The following WRNIP1 variants were observed in gnomAD, a reference collection of about 807,000 sequenced individuals.
WRNIP1 encodes ATPase WRNIP1.
In WRNIP1, 41 loss-of-function variants were observed where a neutral mutation model predicts 56.1. The observed-to-expected ratio is 0.73, with a 90% CI of 0.57 to 0.95. The LOEUF (loss-of-function observed/expected upper bound fraction) is 0.95. Among genes scored for constraint, WRNIP1 ranks in the 40% least tolerant of loss-of-function variants. The probability of loss-of-function intolerance (pLI) is 0.00; values close to 1 mark genes in which losing one functional copy is unlikely to be tolerated. For missense variants in WRNIP1, 1,170 were observed against 939.4 expected (o/e 1.25, Z -3.21); for synonymous variants, 547 against 398.1 (o/e 1.37, Z -4.45).
intron 1 of WRNIP1, among the ~76,000 whole-genome samples, chr6:2,766,816 T>C (rs1765026498): frequency 6.7e-6 from 1 of 150,110 alleles, no homozygotes; most frequent in Non-Finnish European, 1.5e-5. Context: ...CATGTTTAAA[T>C]TGTAAAGAAA....
Position 2,765,723 on chromosome 6 carries a change from C to T in WRNIP1, c.101C>T (p.Ser34Leu). Residue 34 changes from serine (S) to leucine (L), a missense_variant, in exon 1 of 7, where the codon TCG (serine) becomes TTG (leucine). By Grantham distance (145) the Ser-to-Leu change is moderately radical. Coordinates refer to ENST00000380773, the MANE Select transcript of WRNIP1 (RefSeq NM_020135.3). Reference protein sequence around the residue: ...QQMMPAAHINSHLDRCLLLHP... With the variant: ...QQMMPAAHINLHLDRCLLLHP... ...ATGATGCCCGCCGCGCACATCAACTCGCACCTGGACCGCTGTCTGCTGCTC... is the reference window on the plus strand; with the variant it reads ...ATGATGCCCGCCGCGCACATCAACTTGCACCTGGACCGCTGTCTGCTGCTC... The T allele has an allele frequency of 3.3e-6, 5 of 1,534,984 alleles. No homozygotes were observed. Among genetic ancestry groups the T allele is most frequent in the Non-Finnish European group, 4.4e-6 (5 of 1,149,174 alleles).
At position 2,770,132 on chromosome 6, in the gene WRNIP1, C is replaced by T. The variant is rs773305070; in HGVS notation, c.1027C>T (p.Pro343Ser). The change falls in exon 3 of 7, where the codon CCT (proline) becomes TCT (serine). Residue 343 changes from proline to serine, a missense_variant. Physicochemically the swap from Pro to Ser is moderately conservative, Grantham distance 74. Coordinates refer to ENST00000380773, the MANE Select transcript of WRNIP1 (RefSeq NM_020135.3). ...CTCCCATGATTAGGACACTTTCCTTCCTCACGTGGAATGTGGGACGATCAC... is the reference window on the plus strand; with the variant it reads ...CTCCCATGATTAGGACACTTTCCTTTCTCACGTGGAATGTGGGACGATCAC... ...FNKSQQDTFL[P>S]HVECGTITLI... The T allele has an allele frequency of 1.2e-6, 2 of 1,614,118 alleles. No individual in the cohort carries two copies. Among genetic ancestry groups the T allele is most frequent in the Non-Finnish European group, 8.5e-7 (1 of 1,180,046 alleles).
intron 5 of WRNIP1, among the ~76,000 whole-genome samples, chr6:2,783,850 G>C (rs1384101253): frequency 1.3e-5 from 2 of 152,060 alleles, no homozygotes; most frequent in Non-Finnish European, 2.9e-5. Context: ...GCTATTCAGA[G>C]TATTGCAATA....
chr6:2,771,935 C>T (rs558820141), intron 3 of WRNIP1, among the ~76,000 whole-genome samples: 7 of 152,296 alleles, frequency 4.6e-5, no homozygotes, highest in African/African-American at 1.2e-4. Flanking sequence ...TGCATGTGTA[C>T]TTGTCTGGGG....
chr6:2,781,568 A>G (rs1428827886), intron 4 of WRNIP1, among the ~76,000 whole-genome samples: 2 of 152,186 alleles, frequency 1.3e-5, no homozygotes, highest in Admixed American at 6.5e-5. Flanking sequence ...TTATTTTTGT[A>G]TATGCCACCT....
At chr6:2,766,513 G>C in intron 1 of WRNIP1, 69 bp downstream of exon 1, 1 of 1,435,534 alleles carries the variant, frequency 7.0e-7, no homozygotes, top group Non-Finnish European at 9.2e-7. Context: ...TGGTCGGAGA[G>C]CCGGGTGTGC....
In WRNIP1 at chr6:2,765,928, C is replaced by A; in HGVS notation, c.306C>A (p.Gly102=). ...GCGAGGGTGAGGAGGGCGACGACGG[C>A]GGCGAGACCGAGAGCCGCGAGAGCT... is the stretch of plus-strand genomic sequence containing the variant. ...SEGEGEEGDD[G]GETESRESYD... The change falls in exon 1 of 7, where the codon GGC becomes GGA. Residue 102 remains glycine (G), a synonymous_variant. Coordinates refer to ENST00000380773, the MANE Select transcript of WRNIP1 (RefSeq NM_020135.3). 6.9e-7 allele frequency: 1 copy of A among 1,450,768 alleles called. No homozygotes were observed. The highest frequency in any genetic ancestry group is 3.0e-5 in the East Asian group (1 of 33,198). 89.9% of individuals were successfully genotyped at this position (1,450,768 alleles called of 1,614,324 possible).
chr6:2,769,615 A>C (rs1352637459), intron 2 of WRNIP1, among the ~76,000 whole-genome samples: 1 of 152,144 alleles, frequency 6.6e-6, no homozygotes, highest in Non-Finnish European at 1.5e-5. Flanking sequence ...ACGAGGCGTT[A>C]GCATTCTAGG....
intron 3 of WRNIP1, 77 bp downstream of exon 3, chr6:2,770,438 G>C: frequency 6.3e-7 from 1 of 1,577,774 alleles, no homozygotes; most frequent in Non-Finnish European, 8.6e-7. Context: ...GAAAGGGCCG[G>C]GCGTCAGTGA....
At chr6:2,777,685 C>T (rs1262414342) in intron 3 of WRNIP1, among the ~76,000 whole-genome samples, 1 of 152,214 alleles carries the variant, frequency 6.6e-6, no homozygotes, top group East Asian at 1.9e-4. Context: ...AGTATATGTT[C>T]TGTCCATCAT....
chr6:2,775,683 AAAG>A (rs1459904514), intron 3 of WRNIP1, among the ~76,000 whole-genome samples: 3 of 152,228 alleles, frequency 2.0e-5, no homozygotes, highest in Admixed American at 6.5e-5. Flanking sequence ...CTGGAAGAGG[AAAG>A]AAGAGAGCTT....
rs2113438625 is a variant in WRNIP1 at position 2,765,940 on chromosome 6, G to A, written c.318G>A (p.Glu106=). 6.9e-7 allele frequency: 1 copy of A among 1,443,900 alleles called. No individual in the cohort carries two copies. The highest frequency in any genetic ancestry group is 9.1e-7 in the Non-Finnish European group (1 of 1,099,062). 89.4% of individuals were successfully genotyped at this position (1,443,900 alleles called of 1,614,324 possible). A position where few individuals can be genotyped will look rare whatever the true frequency, so the allele number is the denominator to read the frequency against. The change falls in exon 1 of 7, where the codon GAG becomes GAA. Residue 106 remains glutamate, a synonymous_variant. Transcript: ENST00000380773. ...AGGGCGACGACGGCGGCGAGACCGA[G>A]AGCCGCGAGAGCTACGACGCGCCGC... ...GEEGDDGGET[E]SRESYDAPPT...
intron 3 of WRNIP1, chr6:2,774,276 TC>T: frequency 3.0e-6 from 3 of 985,412 alleles, no homozygotes; most frequent in Non-Finnish European, 3.6e-6. Flanking sequence ...TGGATGCACT[TC>T]CTGTGGCTGC....
chr6:2,765,539 G>T lies in WRNIP1; in HGVS notation c.-84G>T, dbSNP rs1764900329. 3.0e-6 allele frequency: 4 copies of T among 1,330,976 alleles called. No homozygotes were observed. Among genetic ancestry groups the T allele is most frequent in the Non-Finnish European group, 2.9e-6 (3 of 1,047,768 alleles). The allele number at this position is 1,330,976 out of a possible 1,614,324, so 82.4% of individuals were successfully genotyped here. A position where few individuals can be genotyped will look rare whatever the true frequency, so the allele number is the denominator to read the frequency against. ...CCCCGAGCGAGGGTCTCGCGGCGCGGGGCCTAGCGGAGGGCATCGAAGGCC... is the reference window on the plus strand; with the variant it reads ...CCCCGAGCGAGGGTCTCGCGGCGCGTGGCCTAGCGGAGGGCATCGAAGGCC... On this transcript the variant is annotated 5_prime_UTR_variant, in exon 1 of 7. Transcript: ENST00000380773.
chr6:2,779,163 C>CAAGA (rs1765500497), intron 3 of WRNIP1, 100 bp from the exon 4 acceptor site: 1 of 1,266,494 alleles, frequency 7.9e-7, no homozygotes, highest in Non-Finnish European at 1.1e-6. Flanking sequence ...GCCTTGAACT[C>CAAGA]TTCAGTGTCC....
At position 2,784,321 on chromosome 6, in the gene WRNIP1, C is replaced by G; in HGVS notation, c.1643-3C>G. 1 of 1,612,822 alleles carries G rather than the reference C, an allele frequency of 6.2e-7. No homozygotes were observed. The highest frequency in any genetic ancestry group is 8.5e-7 in the Non-Finnish European group (1 of 1,179,064). On this transcript the variant is annotated splice_region_variant and splice_polypyrimidine_tract_variant and intron_variant, in intron 5 of 6. Coordinates refer to ENST00000380773, the MANE Select transcript of WRNIP1 (RefSeq NM_020135.3). ...AACTCTCCTTTGTCTCTGTGTGTGG[C>G]AGGTCTGGCAGACCCGTCTGCGTTA... is the stretch of plus-strand genomic sequence containing the variant.
Position 2,784,998 on chromosome 6 carries a change from C to A in WRNIP1, c.1723-9C>A, listed in dbSNP as rs757070921. The A allele has an allele frequency of 6.2e-7, 1 of 1,613,412 alleles. No homozygotes were observed. The highest frequency in any genetic ancestry group is 8.5e-7 in the Non-Finnish European group (1 of 1,179,702). ...TGCTAGTAAAATGTGTCCTCTGTGTCATTGGTAGGTGCTTCTGGCCCAGTG... is the reference window on the plus strand; with the variant it reads ...TGCTAGTAAAATGTGTCCTCTGTGTAATTGGTAGGTGCTTCTGGCCCAGTG... On this transcript the variant is annotated splice_polypyrimidine_tract_variant and intron_variant, in intron 6 of 6. Transcript: ENST00000380773.
chr6:2,769,178 G>C (rs1416902005), intron 2 of WRNIP1, among the ~76,000 whole-genome samples: 1 of 152,128 alleles, frequency 6.6e-6, no homozygotes, highest in East Asian at 1.9e-4. Context: ...TAAATACTAG[G>C]AGTCATTGTG....
intron 3 of WRNIP1, chr6:2,773,904 T>G (rs1765371897): frequency 1.0e-6 from 1 of 985,200 alleles, no homozygotes; most frequent in Non-Finnish European, 1.2e-6. Context: ...GAAAGTGGCG[T>G]CTGTCCCTGG....
Sources: allele counts gnomAD v4.1 joint callset (sites outside exome capture counted in the v4.1 genomes callset), GRCh38; gene constraint gnomAD v4.1.1; transcripts MANE v1.5; gene names NCBI Gene and HGNC (gene_info 2026-07-23, HGNC 2026-07-21).